The following TBXAS1 variants were observed in gnomAD, a reference collection of about 807,000 sequenced individuals.
The protein encoded by TBXAS1 is thromboxane A synthase 1, also known as thromboxane-A synthase.
In TBXAS1, 48 loss-of-function variants were observed where a neutral mutation model predicts 60.7. That is an observed-to-expected ratio of 0.79 (90% CI 0.63 to 1.01). TBXAS1 has a LOEUF of 1.01. Ranked by LOEUF, TBXAS1 falls within the 50% of genes least tolerant of loss-of-function variation. TBXAS1 has a pLI of 0.00. For missense variants in TBXAS1, 685 were observed against 686.3 expected, an observed-to-expected ratio of 1.00 and a Z score of 0.02; for synonymous variants, 287 against 269.7, an observed-to-expected ratio of 1.06 and a Z score of -0.63.
chr7:139,822,921 G>A lies in TBXAS1; in HGVS notation c.-79-6391G>A, dbSNP rs546825404. ...TATTTCTAGAAGCCAATCTGATCACGTTGCTGCTCAATTTTACCTCCTGCT... is the reference window on the plus strand; with the variant it reads ...TATTTCTAGAAGCCAATCTGATCACATTGCTGCTCAATTTTACCTCCTGCT... On this transcript the variant is annotated intron_variant, in intron 4 of 16. Transcript: ENST00000336425. Among the ~76,000 whole-genome samples the A allele has an allele frequency of 1.3e-4, 20 of 152,154 alleles. No individual in the cohort carries two copies. In the South Asian group the frequency reaches 3.7e-3, roughly 28 times the overall value.
chr7:140,020,171 T>C lies in TBXAS1; in HGVS notation c.*72T>C. 6.6e-7 allele frequency: 1 copy of C among 1,505,562 alleles called. No homozygotes were observed. The highest frequency in any genetic ancestry group is 2.3e-5 in the East Asian group (1 of 44,318). The allele number at this position is 1,505,562 out of a possible 1,614,324, so 93.3% of individuals were successfully genotyped here. On this transcript the variant is annotated 3_prime_UTR_variant, in exon 13 of 13. Coordinates refer to ENST00000448866, the MANE Select transcript of TBXAS1 (RefSeq NM_001061.7). The stretch of plus-strand genomic sequence containing the variant: ...AAACCCTAAGTGTGGATGTTCAGAA[T>C]TTTGGAAAAATGTCACTGAAGTGAT...
In TBXAS1 at chr7:139,901,438, G is replaced by A. The variant is rs114246177; in HGVS notation, c.237-9787G>A. On this transcript the variant is annotated intron_variant, in intron 3 of 12. Coordinates refer to ENST00000448866, the MANE Select transcript of TBXAS1 (RefSeq NM_001061.7). ...TCCTTTAAAAAAATCTAGATTATGC[G>A]TAAGATTATTATGATAACTAAATCA... Among the ~76,000 whole-genome samples, 1,079 of 150,936 alleles carry A rather than the reference G, an allele frequency of 7.1e-3. 21 individuals are homozygous for A. Among genetic ancestry groups the A allele is most frequent in the African/African-American group, 0.025 (1,011 of 40,398 alleles).
intron 4 of TBXAS1, among the ~76,000 whole-genome samples, chr7:139,914,795 G>A (rs1388265601): frequency 2.0e-5 from 3 of 152,274 alleles, no homozygotes; most frequent in Middle Eastern, 3.4e-3. Flanking sequence ...AGTGAAGGAG[G>A]ATATGGCTTT....
intron 12 of TBXAS1, among the ~76,000 whole-genome samples, chr7:140,018,563 C>A (rs1569525680): frequency 1.3e-5 from 2 of 152,138 alleles, no homozygotes; most frequent in Admixed American, 6.5e-5. Context: ...TATCTCCCCC[C>A]CACATCACAC....
intron 1 of TBXAS1, among the ~76,000 whole-genome samples, chr7:139,839,886 AG>A (rs1799316829): frequency 6.7e-6 from 1 of 149,420 alleles, no homozygotes; most frequent in Non-Finnish European, 1.5e-5. Context: ...TGGGAGGCTG[AG>A]GCAGGAGAAT....
intron 1 of TBXAS1, among the ~76,000 whole-genome samples, chr7:139,860,979 G>C (rs1800918836): frequency 6.6e-6 from 1 of 152,114 alleles, no homozygotes; most frequent in South Asian, 2.1e-4. Flanking sequence ...TTCGAGACCA[G>C]CCTGGTTAAT....
chr7:139,910,657 A>T (rs1325984445), intron 3 of TBXAS1, among the ~76,000 whole-genome samples: 1 of 152,212 alleles, frequency 6.6e-6, no homozygotes, highest in African/African-American at 2.4e-5. Context: ...ATAAAATTTT[A>T]AAAAGTACCT....
At chr7:139,794,241 C>T (rs968675063) in intron 4 of TBXAS1, among the ~76,000 whole-genome samples, 3 of 152,022 alleles carry the variant, frequency 2.0e-5, no homozygotes, top group African/African-American at 7.2e-5. Flanking sequence ...GCTAGGATTA[C>T]AGGCATGCAC....
chr7:139,888,948 CA>C (rs1380034677), intron 3 of TBXAS1, among the ~76,000 whole-genome samples: 1 of 150,738 alleles, frequency 6.6e-6, no homozygotes, highest in Non-Finnish European at 1.5e-5. Flanking sequence ...AAAAAACTAG[CA>C]AAAAACATTC....
chr7:139,991,928 G>C (rs757766730), intron 9 of TBXAS1, among the ~76,000 whole-genome samples: 9 of 152,210 alleles, frequency 5.9e-5, no homozygotes, highest in Non-Finnish European at 1.3e-4. Flanking sequence ...GAGCTCGAGG[G>C]GAGACCCTTC....
chr7:139,932,940 C>T (rs1807449795), intron 4 of TBXAS1, among the ~76,000 whole-genome samples: 1 of 152,092 alleles, frequency 6.6e-6, no homozygotes, highest in South Asian at 2.1e-4. Flanking sequence ...ACCTCTAGTC[C>T]CAGCTACTCA....
At chr7:139,973,394 CAG>C (rs1274748051) in intron 9 of TBXAS1, among the ~76,000 whole-genome samples, 1 of 152,152 alleles carries the variant, frequency 6.6e-6, no homozygotes, top group African/African-American at 2.4e-5. Context: ...CTGGGCATCT[CAG>C]AGCCGAGAGA....
In TBXAS1 at chr7:139,822,449, C is replaced by G. The variant is rs897418990; in HGVS notation, c.-79-6863C>G. Among the ~76,000 whole-genome samples, 5 of 152,290 alleles carry G rather than the reference C, an allele frequency of 3.3e-5. No individual in the cohort carries two copies. The East Asian group carries it at 9.7e-4, about 29-fold the overall frequency. On this transcript the variant is annotated intron_variant, in intron 4 of 16. Coordinates refer to the TBXAS1 transcript ENST00000336425. ...CCTATGGCTTTGCCCCATCCACAAG[C>G]AAATGGCTCTCAAAATGAAAATTAT...
chr7:139,825,457 A>T (rs574429437), upstream of TBXAS1, among the ~76,000 whole-genome samples: 18 of 152,296 alleles, frequency 1.2e-4, no homozygotes, highest in African/African-American at 4.3e-4. Context: ...ACAAATCACA[A>T]ATCACATATG....
intron 3 of TBXAS1, among the ~76,000 whole-genome samples, chr7:139,899,810 C>A (rs1382308512): frequency 6.6e-6 from 1 of 152,148 alleles, no homozygotes; most frequent in Admixed American, 6.5e-5. Context: ...CCCTTGCACA[C>A]CTACCCAGCA....
intron 3 of TBXAS1, among the ~76,000 whole-genome samples, chr7:139,886,576 G>A (rs1803131486): frequency 6.6e-6 from 1 of 151,922 alleles, no homozygotes; most frequent in Admixed American, 6.6e-5. Context: ...TGGGCATCCA[G>A]GATTGAATCA....
intron 8 of TBXAS1, among the ~76,000 whole-genome samples, chr7:139,960,435 T>G (rs1178797123): frequency 6.6e-6 from 1 of 152,114 alleles, no homozygotes; most frequent in Non-Finnish European, 1.5e-5. Flanking sequence ...CTGGAGTTGC[T>G]TATAATCTTA....
intron 4 of TBXAS1, among the ~76,000 whole-genome samples, chr7:139,822,676 A>C (rs1163105605): frequency 6.6e-6 from 1 of 152,126 alleles, no homozygotes; most frequent in Non-Finnish European, 1.5e-5. Flanking sequence ...CCGGACATTC[A>C]GGGGTGATCC....
chr7:139,854,140 G>T (rs187127370), intron 1 of TBXAS1, among the ~76,000 whole-genome samples: 2 of 151,912 alleles, frequency 1.3e-5, no homozygotes. Context: ...AGCAGGGGTG[G>T]CACTTGTACA....
Sources: gnomAD v4.1 joint callset for allele counts (sites outside exome capture counted in the v4.1 genomes callset) on GRCh38, gnomAD v4.1.1 for gene constraint, MANE v1.5 for transcripts, NCBI Gene and HGNC (gene_info 2026-07-23, HGNC 2026-07-21) for gene names.